Variants in DRC7 observed in about 807,000 individuals in gnomAD.
DRC7 encodes the protein dynein regulatory complex subunit 7.
In DRC7, 80 loss-of-function variants were observed where a neutral mutation model predicts 104.4. The observed-to-expected ratio is 0.77, with a 90% CI of 0.64 to 0.92. The LOEUF (loss-of-function observed/expected upper bound fraction) is 0.92, where lower values mean the gene tolerates loss of function less well. Among genes scored for constraint, DRC7 ranks in the 40% least tolerant of loss-of-function variants. The pLI is 0.00. For missense variants in DRC7, 1,034 were observed against 1,141.1 expected (o/e 0.91, Z 1.35); for synonymous variants, 405 against 447.3 (o/e 0.91, Z 1.19).
At chr16:57,730,045 G>C (rs2049038687) in intron 17 of DRC7, among the ~76,000 whole-genome samples, 1 of 132,484 alleles carries the variant, frequency 7.5e-6, no homozygotes, top group African/African-American at 2.9e-5. Context: ...AGGACGGATG[G>C]ACGGATGGAT....
At chr16:57,697,432 G>T (rs534553627) in intron 2 of DRC7, among the ~76,000 whole-genome samples, 1 of 151,890 alleles carries the variant, frequency 6.6e-6, no homozygotes, top group South Asian at 2.1e-4. Flanking sequence ...GCCAGGTGTG[G>T]TGGTGTGCAC....
Position 57,726,928 on chromosome 16 carries a change from G to T in DRC7, c.2071G>T (p.Glu691Ter). 1 of 1,606,286 alleles carries T rather than the reference G, an allele frequency of 6.2e-7. No homozygotes were observed. Among genetic ancestry groups the T allele is most frequent in the South Asian group, 1.1e-5 (1 of 90,748 alleles). Reference sequence around the variant, plus strand: ...GAAGCTGTCCAGACATCAGGTCTGGGAGTCAGAGCTGGAGGTAGGGTCCTG... The same window carrying T: ...GAAGCTGTCCAGACATCAGGTCTGGTAGTCAGAGCTGGAGGTAGGGTCCTG... The part of the protein sequence containing the change: ...EEKLSRHQVW[E>*]SELEVLEILK... The change falls in exon 15 of 19, where the codon GAG (glutamate) becomes TAG (stop). Residue 691 changes from glutamate (E) to a stop codon, truncating the protein, a stop_gained. Coordinates refer to ENST00000360716, the MANE Select transcript of DRC7 (RefSeq NM_001289162.2). LOFTEE classifies it high-confidence loss of function.
Position 57,728,429 on chromosome 16 carries a change from A to T in DRC7, c.2236A>T (p.Thr746Ser). 2 of 1,609,250 alleles carry T rather than the reference A, an allele frequency of 1.2e-6. No homozygotes were observed. The highest frequency in any genetic ancestry group is 1.1e-5 in the South Asian group (1 of 90,682). The change falls in exon 17 of 19, where the codon ACC becomes TCC. Residue 746 changes from threonine to serine, a missense_variant. Thr to Ser is a moderately conservative substitution (Grantham distance 58). Coordinates refer to ENST00000360716, the MANE Select transcript of DRC7 (RefSeq NM_001289162.2). ...MHEEHLRQVE[T>S]QLDYLAPFLA... ...CGAAGAGCACCTGCGGCAGGTGGAG[A>T]CCCAGCTGGACTACCTGGCCCCATT...
intron 7 of DRC7, among the ~76,000 whole-genome samples, chr16:57,707,149 T>G (rs1334700115): frequency 1.3e-5 from 2 of 152,186 alleles, no homozygotes; most frequent in African/African-American, 4.8e-5. Context: ...GGTCTCCCAT[T>G]TCCTTTCTGT....
Position 57,707,540 on chromosome 16 carries a change from G to A in DRC7, c.939G>A (p.Glu313=). 1 of 1,613,506 alleles carries A rather than the reference G, an allele frequency of 6.2e-7. No homozygotes were observed. The highest frequency in any genetic ancestry group is 8.5e-7 in the Non-Finnish European group (1 of 1,180,020). The change falls in exon 8 of 19, where the codon GAG becomes GAA. Residue 313 remains glutamate (E), a synonymous_variant. Transcript: ENST00000360716. ...TCCTTGTGCTATCGGGGAAGCGCGA[G>A]GTGCCTGAGAACTTCTTCATCGACC... The part of the protein sequence containing the change: ...SWVLVLSGKR[E]VPENFFIDPF...
chr16:57,702,147 G>A lies in DRC7; in HGVS notation c.699+17G>A. On this transcript the variant is annotated intron_variant, in intron 6 of 18. Coordinates refer to ENST00000360716, the MANE Select transcript of DRC7 (RefSeq NM_001289162.2). Reference sequence around the variant, plus strand: ...CCCAAGGAGGTATGGTCGGGCTTGAGCTGCCCGGGTTTCCCAAAGGATGAA... The same window carrying A: ...CCCAAGGAGGTATGGTCGGGCTTGAACTGCCCGGGTTTCCCAAAGGATGAA... The A allele has an allele frequency of 6.2e-7, 1 of 1,612,548 alleles. No homozygotes were observed. The highest frequency in any genetic ancestry group is 1.3e-5 in the African/African-American group (1 of 74,998).
chr16:57,702,138 C>T lies in DRC7; in HGVS notation c.699+8C>T, dbSNP rs144066501. On this transcript the variant is annotated splice_region_variant and intron_variant, in intron 6 of 18. Coordinates refer to ENST00000360716, the MANE Select transcript of DRC7 (RefSeq NM_001289162.2). ...ACTGTGAAGCCCAAGGAGGTATGGT[C>T]GGGCTTGAGCTGCCCGGGTTTCCCA... 70 of 1,613,042 alleles carry T rather than the reference C, an allele frequency of 4.3e-5. No homozygotes were observed. The African/African-American group carries it at 6.7e-4, about 15-fold the overall frequency.
chr16:57,700,344 C>T, intron 5 of DRC7, 74 bp downstream of exon 5: 1 of 1,535,318 alleles, frequency 6.5e-7, no homozygotes, highest in East Asian at 2.3e-5. Flanking sequence ...CTCACCCATC[C>T]AAACCCAAAG....
rs1250751700 is a variant in DRC7, at chr16:57,726,270, G to A, written c.1961G>A (p.Cys654Tyr). The A allele has an allele frequency of 6.2e-7, 1 of 1,610,976 alleles. No individual in the cohort carries two copies. Among genetic ancestry groups the A allele is most frequent in the Non-Finnish European group, 8.5e-7 (1 of 1,178,332 alleles). Reference sequence around the variant, plus strand: ...AAGATCATCATGACGCCCGACATGTGCATCAGCTTCGAGGTGGGCCTGGGG... The same window carrying A: ...AAGATCATCATGACGCCCGACATGTACATCAGCTTCGAGGTGGGCCTGGGG... ...GNKIIMTPDM[C>Y]ISFEVEPMEH... The change falls in exon 14 of 19, where the codon TGC becomes TAC. Residue 654 changes from cysteine (C) to tyrosine (Y), a missense_variant. By Grantham distance (194) the Cys-to-Tyr change is radical. Transcript: ENST00000360716.
At chr16:57,721,212 AAATGAT>A (rs1412070384) in intron 9 of DRC7, among the ~76,000 whole-genome samples, 2 of 152,186 alleles carry the variant, frequency 1.3e-5, no homozygotes, top group Admixed American at 1.3e-4. Flanking sequence ...ACTCCATCTC[AAATGAT>A]AATAATAATA....
chr16:57,731,223 C>A lies in DRC7; in HGVS notation c.2590C>A (p.Pro864Thr). ...LALEEKLYKD[P>T]RLGELQKIFA ...TCTGGAGGAAAAGCTCTACAAGGAC[C>A]CACGCCTGGGGGAGCTCCAGAAAAT... The change falls in exon 19 of 19, where the codon CCA becomes ACA. Residue 864 changes from proline to threonine, a missense_variant. Pro to Thr is a conservative substitution (Grantham distance 38). Transcript: ENST00000360716. 1 of 1,613,748 alleles carries A rather than the reference C, an allele frequency of 6.2e-7. No homozygotes were observed. The highest frequency in any genetic ancestry group is 8.5e-7 in the Non-Finnish European group (1 of 1,179,974).
In DRC7 at chr16:57,702,083, A is replaced by G; in HGVS notation, c.652A>G (p.Met218Val). ...CTACGGCTCGCTGGACCTGTGCCAC[A>G]TGGACCTGACGCGGGAGGTGTGCCC... The part of the protein sequence containing the change: ...NGYGSLDLCH[M>V]DLTREVCPLT... The change falls in exon 6 of 19, where the codon ATG becomes GTG. Residue 218 changes from methionine to valine, a missense_variant. By Grantham distance (21) the Met-to-Val change is conservative. Transcript: ENST00000360716. 1 of 1,614,134 alleles carries G rather than the reference A, an allele frequency of 6.2e-7. No individual in the cohort carries two copies. The highest frequency in any genetic ancestry group is 8.5e-7 in the Non-Finnish European group (1 of 1,180,010).
chr16:57,727,450 A>C, intron 16 of DRC7, 41 bp downstream of exon 16: 2 of 1,478,424 alleles, frequency 1.4e-6, no homozygotes, highest in South Asian at 2.3e-5. Context: ...CTTTTCCTAG[A>C]CCCCCCTGGT....
intron 3 of DRC7, 123 bp downstream of exon 3, chr16:57,698,275 G>A: frequency 6.9e-7 from 1 of 1,439,660 alleles, no homozygotes; most frequent in Middle Eastern, 2.4e-4. Context: ...GCAGTTATGA[G>A]TGAAGGCTTT....
chr16:57,723,680 AT>A (rs1160922455), intron 12 of DRC7, among the ~76,000 whole-genome samples: 10 of 152,010 alleles, frequency 6.6e-5, no homozygotes, highest in Non-Finnish European at 1.5e-4. Context: ...GTGAGCCGAG[AT>A]TATGCCACTG....
intron 6 of DRC7, among the ~76,000 whole-genome samples, chr16:57,703,859 C>T (rs778481885): frequency 6.7e-6 from 1 of 150,118 alleles, no homozygotes; most frequent in Non-Finnish European, 1.5e-5. Flanking sequence ...CCCAGCTACT[C>T]GGGAGGCTGA....
In DRC7 at chr16:57,731,229, C is replaced by G. The variant is rs1431985217; in HGVS notation, c.2596C>G (p.Leu866Val). 2 of 1,613,574 alleles carry G rather than the reference C, an allele frequency of 1.2e-6. No homozygotes were observed. Among genetic ancestry groups the G allele is most frequent in the African/African-American group, 2.7e-5 (2 of 74,926 alleles). Reference protein sequence around the residue: ...LEEKLYKDPRLGELQKIFA With the variant: ...LEEKLYKDPRVGELQKIFA ...GGAAAAGCTCTACAAGGACCCACGC[C>G]TGGGGGAGCTCCAGAAAATATTCGC... Residue 866 changes from leucine (L) to valine (V), a missense_variant, in exon 19 of 19, where the codon CTG (leucine) becomes GTG (valine). By Grantham distance (32) the Leu-to-Val change is conservative (BLOSUM62 1). Transcript: ENST00000360716.
chr16:57,705,044 C>A lies in DRC7; in HGVS notation c.858+10C>A. On this transcript the variant is annotated intron_variant, in intron 7 of 18. Coordinates refer to ENST00000360716, the MANE Select transcript of DRC7 (RefSeq NM_001289162.2). Reference sequence around the variant, plus strand: ...GGAGGAGCGCCTCATGGTGGGTCCTCAGCCCTGAATCCCCTGGGCTCAGCT... The same window carrying A: ...GGAGGAGCGCCTCATGGTGGGTCCTAAGCCCTGAATCCCCTGGGCTCAGCT... The A allele has an allele frequency of 1.2e-6, 2 of 1,610,466 alleles. No individual in the cohort carries two copies. The highest frequency in any genetic ancestry group is 1.7e-6 in the Non-Finnish European group (2 of 1,179,262).
chr16:57,718,205 T>C, intron 8 of DRC7, 142 bp from the exon 9 acceptor site: 2 of 1,054,670 alleles, frequency 1.9e-6, no homozygotes, highest in South Asian at 3.1e-5. Flanking sequence ...CAGAGCCACC[T>C]GGGACTGACG....
Sources: allele counts gnomAD v4.1 joint callset (sites outside exome capture counted in the v4.1 genomes callset), GRCh38; gene constraint gnomAD v4.1.1; transcripts MANE v1.5; gene names NCBI Gene and HGNC (gene_info 2026-07-23, HGNC 2026-07-21).